Variants in RIMS2 observed in about 807,000 individuals in gnomAD.
RIMS2 encodes regulating synaptic membrane exocytosis 2, also known as regulating synaptic membrane exocytosis protein 2.
RIMS2 carries 59 observed loss-of-function variants against 174.4 expected under a neutral mutation model. The observed-to-expected ratio is 0.34, with a 90% CI of 0.27 to 0.42. RIMS2 has a LOEUF of 0.42. Among genes scored for constraint, RIMS2 ranks in the 10% least tolerant of loss-of-function variants. The pLI is 1.00. For synonymous variants in RIMS2, 606 were observed against 572.5 expected (o/e 1.06, Z -0.84); for missense variants, 1,620 against 1,666.3 (o/e 0.97, Z 0.48).
intron 19 of RIMS2, among the ~76,000 whole-genome samples, chr8:104,018,585 A>G (rs1247967323): frequency 6.6e-5 from 10 of 152,200 alleles, no homozygotes; most frequent in African/African-American, 2.2e-4. Context: ...CCAGCTTTAC[A>G]TTCAGTTCAT....
intron 1 of RIMS2, among the ~76,000 whole-genome samples, chr8:103,525,918 T>G (rs1179266045): frequency 5.3e-5 from 8 of 152,304 alleles, no homozygotes; most frequent in African/African-American, 1.4e-4. Flanking sequence ...AAAAATCATC[T>G]GTTCGTATCA....
At chr8:103,921,986 AT>A (rs2077762428) in intron 10 of RIMS2, 1 of 308,656 alleles carries the variant, frequency 3.2e-6, no homozygotes, top group South Asian at 7.6e-5. Flanking sequence ...ATTTACTGAA[AT>A]TTAATAAAAG....
intron 1 of RIMS2, among the ~76,000 whole-genome samples, chr8:103,575,427 C>T (rs1043183294): frequency 2.6e-5 from 4 of 152,026 alleles, no homozygotes; most frequent in African/African-American, 7.2e-5. Flanking sequence ...AATTCCATTC[C>T]TAGGTATATA....
intron 2 of RIMS2, among the ~76,000 whole-genome samples, chr8:103,709,680 T>C (rs1050604868): frequency 2.0e-5 from 3 of 152,172 alleles, no homozygotes; most frequent in Non-Finnish European, 4.4e-5. Context: ...TCTTTTTTTT[T>C]CTTTAACCCC....
intron 14 of RIMS2, among the ~76,000 whole-genome samples, chr8:103,960,237 A>G (rs2089492072): frequency 6.6e-6 from 1 of 152,218 alleles, no homozygotes; most frequent in South Asian, 2.1e-4. Context: ...GCGTGTAGTC[A>G]CAATCTACTT....
chr8:103,695,493 T>C (rs1434056518), intron 1 of RIMS2, among the ~76,000 whole-genome samples: 1 of 151,946 alleles, frequency 6.6e-6, no homozygotes, highest in East Asian at 1.9e-4. Flanking sequence ...ATTTATTTCT[T>C]TGTCTAGGTC....
At chr8:103,737,175 C>CTTTTTTTTTTT (rs554949027) in intron 2 of RIMS2, among the ~76,000 whole-genome samples, 5 of 67,522 alleles carry the variant, frequency 7.4e-5, no homozygotes, top group Non-Finnish European at 1.0e-4. Context: ...TTTCTTTGTT[C>CTTTTTTTTTTT]TTTTTTTTTT....
chr8:103,984,035 G>A (rs1250736761), intron 16 of RIMS2, among the ~76,000 whole-genome samples: 8 of 152,070 alleles, frequency 5.3e-5, no homozygotes, highest in East Asian at 1.9e-4. Flanking sequence ...AATAGCAGGC[G>A]TGGTGGCGGG....
intron 1 of RIMS2, among the ~76,000 whole-genome samples, chr8:103,620,643 C>G (rs960047534): frequency 6.6e-6 from 1 of 151,710 alleles, no homozygotes; most frequent in Non-Finnish European, 1.5e-5. Context: ...AGACCTAGTC[C>G]CGATTCTTAG....
intron 3 of RIMS2, among the ~76,000 whole-genome samples, chr8:103,860,615 T>G (rs571308960): frequency 6.6e-5 from 10 of 152,232 alleles, no homozygotes; most frequent in African/African-American, 2.2e-4. Flanking sequence ...CCACTGTTAT[T>G]GTTAGCCATT....
intron 19 of RIMS2, among the ~76,000 whole-genome samples, chr8:104,218,906 G>A (rs557067236): frequency 3.9e-5 from 6 of 152,282 alleles, no homozygotes; most frequent in East Asian, 1.9e-4. Context: ...TGCCACAGGC[G>A]TAACCATGTT....
intron 3 of RIMS2, among the ~76,000 whole-genome samples, chr8:103,790,093 T>G (rs575628710): frequency 6.6e-6 from 1 of 152,214 alleles, no homozygotes. Context: ...TTGATTTATT[T>G]ATTTGTAATG....
chr8:104,031,759 G>A (rs978276170), intron 19 of RIMS2, among the ~76,000 whole-genome samples: 2 of 152,072 alleles, frequency 1.3e-5, no homozygotes, highest in Non-Finnish European at 2.9e-5. Flanking sequence ...AGAAACACCA[G>A]TCTGAGACAG....
In RIMS2 at chr8:104,206,058, G is replaced by T. The variant is rs77773454; in HGVS notation, c.3335-38858G>T. ...GATGTGAAGCACTGTGCCCAGCCAA[G>T]AACTGCTTATTTATATTATGAAGAG... On this transcript the variant is annotated intron_variant, in intron 19 of 23. Transcript: ENST00000504942. Among the ~76,000 whole-genome samples the T allele has an allele frequency of 1.4e-4, 21 of 152,128 alleles. No individual in the cohort carries two copies. In the East Asian group the frequency reaches 2.5e-3, roughly 18 times the overall value.
rs755136830 is a variant in RIMS2 at position 103,501,082 on chromosome 8, T to C, written c.176+20T>C. ...GCTCAAGTAAGGACCTGGCTCCATA[T>C]TCCCGCCTCTCTCCCTGCCCTCCGC... On this transcript the variant is annotated intron_variant, in intron 1 of 23. Transcript: ENST00000504942. 6.6e-7 allele frequency: 1 copy of C among 1,507,362 alleles called. No individual in the cohort carries two copies. The highest frequency in any genetic ancestry group is 1.3e-5 in the South Asian group (1 of 79,014). The allele number at this position is 1,507,362 out of a possible 1,614,324, so 93.4% of individuals were successfully genotyped here.
intron 2 of RIMS2, among the ~76,000 whole-genome samples, chr8:103,713,871 T>C (rs1359806547): frequency 6.6e-6 from 1 of 152,214 alleles, no homozygotes; most frequent in Non-Finnish European, 1.5e-5. Context: ...CAGATTATAC[T>C]ACTTACACTT....
chr8:104,050,180 T>C (rs1427017162), intron 19 of RIMS2, among the ~76,000 whole-genome samples: 1 of 152,150 alleles, frequency 6.6e-6, no homozygotes, highest in Non-Finnish European at 1.5e-5. Context: ...TCTGAAATTC[T>C]TATTCTACTA....
At chr8:104,020,432 A>G (rs1299647933) in intron 19 of RIMS2, among the ~76,000 whole-genome samples, 3 of 152,050 alleles carry the variant, frequency 2.0e-5, no homozygotes, top group Admixed American at 1.3e-4. Context: ...AAATAAGCAT[A>G]AGTATTAGTC....
At chr8:104,004,962 A>G (rs2095520861) in intron 17 of RIMS2, among the ~76,000 whole-genome samples, 1 of 152,204 alleles carries the variant, frequency 6.6e-6, no homozygotes, top group East Asian at 1.9e-4. Flanking sequence ...TGAGCGCTGT[A>G]TGGGAGTGGT....
Sources: allele counts gnomAD v4.1 joint callset (sites outside exome capture counted in the v4.1 genomes callset), GRCh38; gene constraint gnomAD v4.1.1; transcripts MANE v1.5; gene names NCBI Gene and HGNC (gene_info 2026-07-23, HGNC 2026-07-21).